NEK6: variants seen among roughly 807,000 people sequenced by gnomAD.
The protein encoded by NEK6 is NIMA related kinase 6, also known as serine/threonine-protein kinase Nek6.
Under a neutral mutation model 43.5 loss-of-function variants are expected in NEK6, and 27 were observed. The ratio of observed to expected loss-of-function variants is 0.62; its 90% confidence interval spans 0.46 to 0.86. NEK6 has a LOEUF of 0.86. Ranked by LOEUF, NEK6 falls within the 40% of genes least tolerant of loss-of-function variation. The pLI, the probability that NEK6 is intolerant of heterozygous loss-of-function variation, is 0.00. For synonymous variants in NEK6, 167 were observed against 164.1 expected, an observed-to-expected ratio of 1.02 and a Z score of -0.14; for missense variants, 318 against 414.4, an observed-to-expected ratio of 0.77 and a Z score of 2.02.
At chr9:124,292,665 C>T in intron 1 of NEK6, 2 of 1,312,796 alleles carry the variant, frequency 1.5e-6, no homozygotes, top group South Asian at 2.7e-5. Context: ...TCCCTTAAGC[C>T]CCAGCCTCTC....
chr9:124,327,866 G>A (rs191113254), intron 7 of NEK6, among the ~76,000 whole-genome samples: 2 of 152,342 alleles, frequency 1.3e-5, no homozygotes, highest in Admixed American at 1.3e-4. Flanking sequence ...TGGGGACCAG[G>A]TGCCTGCCAG....
At chr9:124,335,762 C>G (rs1459186631) in intron 7 of NEK6, among the ~76,000 whole-genome samples, 2 of 152,252 alleles carry the variant, frequency 1.3e-5, no homozygotes, top group Non-Finnish European at 2.9e-5. Context: ...TTTCCAACAC[C>G]ATTACAGCCT....
chr9:124,339,227 C>A (rs1438957750), intron 7 of NEK6, among the ~76,000 whole-genome samples: 3 of 151,666 alleles, frequency 2.0e-5, no homozygotes, highest in Admixed American at 1.3e-4. Context: ...CGGGGTTTTG[C>A]CCTGTTGTCC....
chr9:124,334,744 C>CGGGCTG (rs1023031009), intron 7 of NEK6, among the ~76,000 whole-genome samples: 5 of 152,200 alleles, frequency 3.3e-5, no homozygotes, highest in Non-Finnish European at 5.9e-5. Flanking sequence ...AGTGGAAAAG[C>CGGGCTG]GGGCTGGGGC....
intron 8 of NEK6, among the ~76,000 whole-genome samples, chr9:124,342,229 G>A (rs1022566123): frequency 2.0e-5 from 3 of 152,224 alleles, no homozygotes; most frequent in Non-Finnish European, 2.9e-5. Context: ...AGTGGGCATC[G>A]TTCACCCGGT....
Position 124,326,482 on chromosome 9 carries a change from C to T in NEK6, c.514+44C>T, listed in dbSNP as rs372955217. 37 of 1,423,128 alleles carry T rather than the reference C, an allele frequency of 2.6e-5. No individual in the cohort carries two copies. The highest frequency in any genetic ancestry group is 3.3e-5 in the Non-Finnish European group (34 of 1,018,012). 88.2% of individuals were successfully genotyped at this position (1,423,128 alleles called of 1,614,324 possible). On this transcript the variant is annotated intron_variant, in intron 6 of 9. Coordinates refer to ENST00000320246, the MANE Select transcript of NEK6 (RefSeq NM_014397.6). This position sits in a 1 kb window ranked among gnomAD's most constrained non-coding sequence, Gnocchi z 4.5. The stretch of plus-strand genomic sequence containing the variant: ...GAGCCGCCCGGAGCCACCTGGAGCC[C>T]AGGAAGACACTTCCTCATGGCTCCT...
intron 2 of NEK6, among the ~76,000 whole-genome samples, chr9:124,305,933 C>T (rs1833234061): frequency 6.6e-6 from 1 of 152,242 alleles, no homozygotes; most frequent in Non-Finnish European, 1.5e-5. Flanking sequence ...TCCATACTAT[C>T]TCATTTGAAA....
intron 5 of NEK6, among the ~76,000 whole-genome samples, chr9:124,323,168 G>A (rs987748485): frequency 2.0e-5 from 3 of 152,210 alleles, no homozygotes; most frequent in African/African-American, 4.8e-5. Context: ...ACAGACCCTC[G>A]AATGAGTAGT....
chr9:124,284,791 G>A (rs1253799595), intron 1 of NEK6, among the ~76,000 whole-genome samples: 1 of 152,198 alleles, frequency 6.6e-6, no homozygotes, highest in Non-Finnish European at 1.5e-5. Flanking sequence ...TTCCCTTAAT[G>A]ACACAGGATC....
rs10986313 is a variant in NEK6 at position 124,317,173 on chromosome 9, G to A, written c.294+3188G>A. On this transcript the variant is annotated intron_variant, in intron 4 of 9. Coordinates refer to ENST00000320246, the MANE Select transcript of NEK6 (RefSeq NM_014397.6). ...AACATGTCTATGGAGCATGATGTGTGCTGAGGGCAGCGATGTGATGGCCAG... is the reference window on the plus strand; with the variant it reads ...AACATGTCTATGGAGCATGATGTGTACTGAGGGCAGCGATGTGATGGCCAG... Among the ~76,000 whole-genome samples the A allele has an allele frequency of 3.9e-4, 60 of 152,338 alleles. No individual in the cohort carries two copies. The East Asian group carries it at 9.3e-3, about 23-fold the overall frequency.
chr9:124,327,266 C>T (rs140919506), intron 6 of NEK6, 72 bp from the exon 7 acceptor site: 9 of 1,260,642 alleles, frequency 7.1e-6, no homozygotes, highest in Admixed American at 1.7e-5. Flanking sequence ...CCTTCCTCCC[C>T]CTTCCTCTCG....
At chr9:124,260,137 G>C (rs1321186640) in intron 1 of NEK6, among the ~76,000 whole-genome samples, 2 of 151,950 alleles carry the variant, frequency 1.3e-5, no homozygotes, top group Non-Finnish European at 2.9e-5. Flanking sequence ...GAGAGGAGGT[G>C]GGGGCAGAAT....
chr9:124,290,688 C>CG (rs1357319515), intron 1 of NEK6, among the ~76,000 whole-genome samples: 1 of 152,204 alleles, frequency 6.6e-6, no homozygotes, highest in African/African-American at 2.4e-5. Context: ...GACTGGGTGG[C>CG]GGGGGGTCTG....
chr9:124,312,758 A>G, intron 3 of NEK6, 109 bp downstream of exon 3: 1 of 1,079,106 alleles, frequency 9.3e-7, no homozygotes, highest in Non-Finnish European at 1.3e-6. Context: ...GAACGAGGGA[A>G]ACAGCACTCA....
intron 1 of NEK6, among the ~76,000 whole-genome samples, chr9:124,299,213 G>A (rs1240320366): frequency 6.6e-6 from 1 of 152,220 alleles, no homozygotes; most frequent in Non-Finnish European, 1.5e-5. Context: ...GGTGACCTGT[G>A]GGCCAAGGCT....
In NEK6 at chr9:124,258,051, G is replaced by A; in HGVS notation, c.-64G>A. On this transcript the variant is annotated 5_prime_UTR_variant, in exon 1 of 10. Transcript: ENST00000320246. ...CAGCCGCCCGCGGGCCAGCGCACCG[G>A]TCCCCCAGCGGCAGCCGAGCCCGCC... The A allele has an allele frequency of 2.0e-6, 2 of 979,174 alleles. No homozygotes were observed. Among genetic ancestry groups the A allele is most frequent in the Non-Finnish European group, 2.4e-6 (2 of 827,500 alleles). 60.7% of individuals were successfully genotyped at this position (979,174 alleles called of 1,614,324 possible). A position where few individuals can be genotyped will look rare whatever the true frequency, so the allele number is the denominator to read the frequency against.
intron 1 of NEK6, among the ~76,000 whole-genome samples, chr9:124,274,743 G>A (rs1444240602): frequency 6.6e-6 from 1 of 152,202 alleles, no homozygotes; most frequent in Non-Finnish European, 1.5e-5. Flanking sequence ...AATTTCAGGG[G>A]TCTGGGATCC....
intron 1 of NEK6, chr9:124,262,782 T>C (rs1305408369): frequency 6.6e-6 from 1 of 152,156 alleles, no homozygotes; most frequent in African/African-American, 2.4e-5. Flanking sequence ...CTCATAGAAT[T>C]CTAAGAAAAA....
intron 1 of NEK6, among the ~76,000 whole-genome samples, chr9:124,278,928 G>A (rs1588449803): frequency 6.6e-6 from 1 of 152,192 alleles, no homozygotes; most frequent in African/African-American, 2.4e-5. Flanking sequence ...CACGATCTCA[G>A]ACCTCCTGTG....
Sources: gnomAD v4.1 joint callset for allele counts (sites outside exome capture counted in the v4.1 genomes callset) on GRCh38, gnomAD v4.1.1 for gene constraint, Gnocchi (gnomAD v3.1) non-coding constraint, MANE v1.5 for transcripts, NCBI Gene and HGNC (gene_info 2026-07-23, HGNC 2026-07-21) for gene names.